Variants in ALG10 observed in about 807,000 individuals in gnomAD.
ALG10 encodes dol-P-Glc:Glc(2)Man(9)GlcNAc(2)-PP-Dol alpha-1,2-glucosyltransferase A.
A neutral mutation model predicts 39.2 loss-of-function variants in ALG10; 25 were observed. The ratio of observed to expected loss-of-function variants is 0.64; its 90% CI spans 0.46 to 0.89. The LOEUF is 0.89. ALG10 is among the 40% of genes least tolerant of loss of function. The pLI is 0.00. For missense variants in ALG10, 486 were observed against 546.6 expected (o/e 0.89, Z 1.11); for synonymous variants, 184 against 193.9 (o/e 0.95, Z 0.42).
upstream of ALG10, chr12:34,022,473 C>T: frequency 6.8e-7 from 1 of 1,474,120 alleles, no homozygotes; most frequent in Non-Finnish European, 9.4e-7. Flanking sequence ...CCTTTGCCTT[C>T]CGGTATGTGG....
chr12:34,022,837 C>T lies in ALG10; in HGVS notation c.171+67C>T, dbSNP rs1591869171. 3.1e-6 allele frequency: 5 copies of T among 1,604,918 alleles called. No homozygotes were observed. The South Asian group carries it at 3.3e-5, about 11-fold the overall frequency. On this transcript the variant is annotated intron_variant, in intron 1 of 2. Transcript: ENST00000266483. Reference sequence around the variant, plus strand: ...AGGTCCCAGCGTCCCCACGTCCTCCCATCCTTAGACTTCACTCGTCCTGTT... The same window carrying T: ...AGGTCCCAGCGTCCCCACGTCCTCCTATCCTTAGACTTCACTCGTCCTGTT...
chr12:34,025,656 T>C (rs1298970421), intron 2 of ALG10, among the ~76,000 whole-genome samples: 2 of 152,182 alleles, frequency 1.3e-5, no homozygotes, highest in African/African-American at 2.4e-5. Context: ...TCCAAACTGA[T>C]AGGTATACAT....
At chr12:34,023,706 T>G in intron 1 of ALG10, 1 of 497,454 alleles carries the variant, frequency 2.0e-6, no homozygotes, top group Admixed American at 3.3e-5. Flanking sequence ...TTAAAGAACA[T>G]TTCTTGGAAA....
intron 2 of ALG10, 43 bp downstream of exon 2, chr12:34,024,202 G>T: frequency 6.3e-7 from 1 of 1,592,748 alleles, no homozygotes; most frequent in Non-Finnish European, 8.6e-7. Flanking sequence ...GTGTAGTCAG[G>T]TCCACAATTA....
Position 34,026,662 on chromosome 12 carries a change from CAA to C in ALG10, c.1171_1172del (p.Lys391ValfsTer35). The C allele has an allele frequency of 6.2e-7, 1 of 1,613,788 alleles. No individual in the cohort carries two copies. Among genetic ancestry groups the C allele is most frequent in the Middle Eastern group, 1.7e-4 (1 of 6,058 alleles). ...TGGAGTATAGCTGACTCATTGAAAT[CAA>C]AGTCAATTTTTTGGAATTTAATGTT... On this transcript the variant is annotated frameshift_variant, in exon 3 of 3. Transcript: ENST00000266483. LOFTEE classifies it high-confidence loss of function.
intron 2 of ALG10, among the ~76,000 whole-genome samples, chr12:34,024,719 A>G (rs2120691252): frequency 6.6e-6 from 1 of 152,372 alleles, no homozygotes; most frequent in Admixed American, 6.5e-5. Context: ...TAAATGGAAG[A>G]TGCTTCGAAC....
upstream of ALG10, chr12:34,022,448 G>A (rs1942786164): frequency 2.6e-5 from 32 of 1,250,274 alleles, no homozygotes; most frequent in South Asian, 4.1e-4. Context: ...TTCCGGATCC[G>A]CGCTCTCCCA....
Position 34,026,418 on chromosome 12 carries a change from C to A in ALG10, c.925C>A (p.Pro309Thr). 1.9e-6 allele frequency: 3 copies of A among 1,613,936 alleles called. No homozygotes were observed. ...LFFSFPHLLS[P>T]SKIKTFLSLV... Reference sequence around the variant, plus strand: ...TTTTTCCTTTCCTCATCTCCTGTCTCCTAGCAAAATTAAGACTTTTCTTTC... The same window carrying A: ...TTTTTCCTTTCCTCATCTCCTGTCTACTAGCAAAATTAAGACTTTTCTTTC... Residue 309 changes from proline to threonine, a missense_variant, in exon 3 of 3, where the codon CCT becomes ACT. Physicochemically the swap from Pro to Thr is conservative, Grantham distance 38 (BLOSUM62 -1). Coordinates refer to ENST00000266483, the MANE Select transcript of ALG10 (RefSeq NM_032834.4).
intron 1 of ALG10, 98 bp downstream of exon 1, chr12:34,022,868 C>T: frequency 6.5e-7 from 1 of 1,533,558 alleles, no homozygotes; most frequent in African/African-American, 1.4e-5. Context: ...CTGTTCCACC[C>T]CCTCAAGCCT....
At position 34,022,636 on chromosome 12, in the gene ALG10, T is replaced by G. The variant is rs373211679; in HGVS notation, c.37T>G (p.Leu13Val). The change falls in exon 1 of 3, where the codon TTG becomes GTG. Residue 13 changes from leucine (L) to valine (V), a missense_variant. Physicochemically the swap from Leu to Val is conservative, Grantham distance 32 (BLOSUM62 1). Transcript: ENST00000266483. ...QLEGYYFSAALSCTFLVSCLL... is the reference protein window; with the variant it reads ...QLEGYYFSAAVSCTFLVSCLL... Reference sequence around the variant, plus strand: ...GGAAGGTTACTATTTCTCGGCCGCCTTGAGCTGTACCTTTTTAGTATCCTG... The same window carrying G: ...GGAAGGTTACTATTTCTCGGCCGCCGTGAGCTGTACCTTTTTAGTATCCTG... The G allele has an allele frequency of 6.2e-7, 1 of 1,614,058 alleles. No individual in the cohort carries two copies. The highest frequency in any genetic ancestry group is 1.3e-5 in the African/African-American group (1 of 74,926).
intron 2 of ALG10, 30 bp from the exon 3 acceptor site, chr12:34,025,833 A>G (rs1942824791): frequency 6.2e-7 from 1 of 1,612,742 alleles, no homozygotes; most frequent in Non-Finnish European, 8.5e-7. Context: ...TCATGAAAAT[A>G]ATTTTATCTG....
chr12:34,022,420 G>C, upstream of ALG10: 7 of 982,198 alleles, frequency 7.1e-6, no homozygotes, highest in Non-Finnish European at 1.1e-5. Flanking sequence ...GTCACTCCGG[G>C]AAACAGCGAC....
At chr12:34,023,672 G>A (rs1942802388) in intron 1 of ALG10, 1 of 417,404 alleles carries the variant, frequency 2.4e-6, no homozygotes, top group Non-Finnish European at 4.5e-6. Flanking sequence ...AACATTTGCA[G>A]TTTATTTATC....
rs1358597944 is a variant in ALG10, at chr12:34,028,182, T to G, written c.*1267T>G. The G allele has an allele frequency of 6.6e-6, 1 of 151,922 alleles. No homozygotes were observed. Among genetic ancestry groups the G allele is most frequent in the Non-Finnish European group, 1.5e-5 (1 of 68,038 alleles). The allele number at this position is 151,922 out of a possible 1,614,324, so 9.4% of individuals were successfully genotyped here. ...CATATGATTGTTAGGAGACTACCTTTTTAGATTTTTTTTATTATATATCAA... is the reference window on the plus strand; with the variant it reads ...CATATGATTGTTAGGAGACTACCTTGTTAGATTTTTTTTATTATATATCAA... On this transcript the variant is annotated 3_prime_UTR_variant, in exon 3 of 3. Coordinates refer to ENST00000266483, the MANE Select transcript of ALG10 (RefSeq NM_032834.4).
chr12:34,024,941 A>G (rs951904380), intron 2 of ALG10, among the ~76,000 whole-genome samples: 1 of 152,064 alleles, frequency 6.6e-6, no homozygotes, highest in Admixed American at 6.6e-5. Flanking sequence ...AGATGGTACC[A>G]GAGCTGAGTC....
In ALG10 at chr12:34,026,397, T is replaced by C. The variant is rs1297518100; in HGVS notation, c.904T>C (p.Ser302Pro). The C allele has an allele frequency of 1.9e-6, 3 of 1,613,936 alleles. No homozygotes were observed. Among genetic ancestry groups the C allele is most frequent in the African/African-American group, 2.7e-5 (2 of 74,908 alleles). The stretch of plus-strand genomic sequence containing the variant: ...CTTTTTTTCATTTACTCTCTTTTTT[T>C]CCTTTCCTCATCTCCTGTCTCCTAG... ...FYFFSFTLFFSFPHLLSPSKI... is the reference protein window; with the variant it reads ...FYFFSFTLFFPFPHLLSPSKI... Residue 302 changes from serine (S) to proline (P), a missense_variant, in exon 3 of 3, where the codon TCC becomes CCC. Ser to Pro is a moderately conservative substitution (Grantham distance 74). Coordinates refer to ENST00000266483, the MANE Select transcript of ALG10 (RefSeq NM_032834.4).
Position 34,026,885 on chromosome 12 carries a change from TAGTC to T in ALG10, c.1395_1398del (p.Ser465ArgfsTer23), listed in dbSNP as rs770725693. On this transcript the variant is annotated frameshift_variant, in exon 3 of 3. Coordinates refer to ENST00000266483, the MANE Select transcript of ALG10 (RefSeq NM_032834.4). LOFTEE classifies it high-confidence loss of function. ...TGAACAAGACTTTTCAGTGGCCAAATAGTCAGGACATTCAAAGGTTTATGTGGTA... is the reference window on the plus strand; with the variant it reads ...TGAACAAGACTTTTCAGTGGCCAAATAGGACATTCAAAGGTTTATGTGGTA... 1.8e-4 allele frequency: 297 copies of T among 1,613,676 alleles called. No individual in the cohort carries two copies. Among genetic ancestry groups the T allele is most frequent in the Non-Finnish European group, 2.0e-4 (233 of 1,179,730 alleles).
At chr12:34,022,463 C>T, upstream of ALG10, 6 of 1,402,242 alleles carry the variant, frequency 4.3e-6, no homozygotes, top group Non-Finnish European at 6.0e-6. Flanking sequence ...CTCCCAGCAT[C>T]CTTTGCCTTC....
intron 2 of ALG10, among the ~76,000 whole-genome samples, chr12:34,024,914 G>GT (rs1272632482): frequency 6.6e-6 from 1 of 152,100 alleles, no homozygotes; most frequent in Non-Finnish European, 1.5e-5. Context: ...GTGGCATTTG[G>GT]TAAGTCCTCA....
Sources: allele counts gnomAD v4.1 joint callset (sites outside exome capture counted in the v4.1 genomes callset), GRCh38; gene constraint gnomAD v4.1.1; transcripts MANE v1.5; gene names NCBI Gene and HGNC (gene_info 2026-07-23, HGNC 2026-07-21).